Variants in M1AP observed in about 807,000 individuals in gnomAD.
M1AP encodes the protein meiosis 1 arrest protein.
Under a neutral mutation model 51.2 loss-of-function variants are expected in M1AP, and 39 were observed. That is an observed-to-expected ratio of 0.76 (90% confidence interval 0.59 to 1.00). M1AP has a LOEUF of 1.00. M1AP is among the 50% of genes least tolerant of loss of function. The probability of loss-of-function intolerance (pLI) is 0.00; values close to 1 mark genes in which losing one functional copy is unlikely to be tolerated. For missense variants in M1AP, 545 were observed against 641.2 expected (o/e 0.85, Z 1.62); for synonymous variants, 251 against 249.2 (o/e 1.01, Z -0.07).
intron 2 of M1AP, among the ~76,000 whole-genome samples, chr2:74,639,822 T>C (rs1487965129): frequency 6.6e-6 from 1 of 152,222 alleles, no homozygotes; most frequent in African/African-American, 2.4e-5. Context: ...CTATTTATAC[T>C]CCCAGATTAA....
intron 4 of M1AP, among the ~76,000 whole-genome samples, chr2:74,598,109 C>G (rs551662491): frequency 1.3e-5 from 2 of 152,084 alleles, no homozygotes; most frequent in African/African-American, 4.8e-5. Flanking sequence ...TAGCTGGATG[C>G]GCTGGCTCAC....
chr2:74,607,545 C>T (rs552912130), intron 3 of M1AP, among the ~76,000 whole-genome samples: 4 of 152,146 alleles, frequency 2.6e-5, no homozygotes, highest in Non-Finnish European at 5.9e-5. Flanking sequence ...GCAATCTTGG[C>T]TCACTGCAAC....
intron 2 of M1AP, chr2:74,618,872 C>G (rs1412100129): frequency 4.0e-6 from 2 of 505,572 alleles, no homozygotes; most frequent in Non-Finnish European, 8.0e-6. Flanking sequence ...ATCTAGCTGT[C>G]ATTGTTCAGT....
At chr2:74,638,593 G>T (rs905645707) in intron 2 of M1AP, among the ~76,000 whole-genome samples, 1 of 152,130 alleles carries the variant, frequency 6.6e-6, no homozygotes, top group African/African-American at 2.4e-5. Flanking sequence ...TGGATCAGTC[G>T]TTCTGGGAGA....
intron 4 of M1AP, among the ~76,000 whole-genome samples, chr2:74,584,605 C>G (rs968727004): frequency 6.6e-6 from 1 of 151,444 alleles, no homozygotes; most frequent in Non-Finnish European, 1.5e-5. Context: ...ATGAGACACT[C>G]CTACCACAGG....
At chr2:74,602,747 T>C (rs1204364109) in intron 4 of M1AP, among the ~76,000 whole-genome samples, 1 of 152,166 alleles carries the variant, frequency 6.6e-6, no homozygotes, top group Non-Finnish European at 1.5e-5. Context: ...CATATACACT[T>C]AACCCACAAA....
chr2:74,597,878 T>C (rs1287028176), intron 4 of M1AP, among the ~76,000 whole-genome samples: 1 of 152,190 alleles, frequency 6.6e-6, no homozygotes, highest in African/African-American at 2.4e-5. Flanking sequence ...CACAAAACTA[T>C]TGTAAAACTT....
In M1AP at chr2:74,576,540, A is replaced by G. The variant is rs758836998; in HGVS notation, c.848T>C (p.Met283Thr). 1.2e-6 allele frequency: 2 copies of G among 1,614,130 alleles called. No individual in the cohort carries two copies. Among genetic ancestry groups the G allele is most frequent in the Non-Finnish European group, 1.7e-6 (2 of 1,179,972 alleles). ...LAGTADGSLR[M>T]DDPKGDFITL... is the part of the protein sequence containing the mutation. ...GATGAAGTCTCCTTTAGGGTCATCCATTCTCAAGGAGCCGTCAGCTGTGCC... is the reference window on the plus strand; with the variant it reads ...GATGAAGTCTCCTTTAGGGTCATCCGTTCTCAAGGAGCCGTCAGCTGTGCC... The change falls in exon 6 of 11, where the codon ATG becomes ACG. Residue 283 changes from methionine (M) to threonine (T), a missense_variant. By Grantham distance (81) the Met-to-Thr change is moderately conservative (BLOSUM62 -1). Coordinates refer to ENST00000421985, the MANE Select transcript of M1AP (RefSeq NM_001321739.2).
chr2:74,641,957 T>C (rs1683322465), intron 1 of M1AP, among the ~76,000 whole-genome samples: 1 of 152,020 alleles, frequency 6.6e-6, no homozygotes, highest in South Asian at 2.1e-4. Flanking sequence ...GCGATTCTCC[T>C]GCCTCAGCCT....
At chr2:74,587,279 A>G (rs760510646) in intron 4 of M1AP, among the ~76,000 whole-genome samples, 1 of 151,246 alleles carries the variant, frequency 6.6e-6, no homozygotes, top group Non-Finnish European at 1.5e-5. Context: ...GCTCACTGCA[A>G]GCTCCACCTC....
intron 1 of M1AP, among the ~76,000 whole-genome samples, chr2:74,647,790 G>A (rs1003429737): frequency 3.3e-5 from 5 of 152,212 alleles, no homozygotes; most frequent in African/African-American, 1.2e-4. Flanking sequence ...GCTTACTCGA[G>A]AAGCTGAGGC....
chr2:74,629,667 G>A (rs1379847835), intron 2 of M1AP, among the ~76,000 whole-genome samples: 1 of 151,924 alleles, frequency 6.6e-6, no homozygotes, highest in Non-Finnish European at 1.5e-5. Flanking sequence ...CAGGAGAATC[G>A]CTTGAACCTG....
At chr2:74,595,690 C>T (rs1303696868) in intron 4 of M1AP, among the ~76,000 whole-genome samples, 1 of 152,022 alleles carries the variant, frequency 6.6e-6, no homozygotes, top group East Asian at 1.9e-4. Context: ...ATACACATGA[C>T]AATTATAACA....
intron 4 of M1AP, among the ~76,000 whole-genome samples, chr2:74,596,543 C>G (rs1454057887): frequency 6.6e-6 from 1 of 152,082 alleles, no homozygotes; most frequent in African/African-American, 2.4e-5. Context: ...GATCACGCCA[C>G]TGCACTCAAG....
intron 2 of M1AP, among the ~76,000 whole-genome samples, chr2:74,622,156 A>T (rs999047017): frequency 6.6e-6 from 1 of 152,008 alleles, no homozygotes; most frequent in Non-Finnish European, 1.5e-5. Context: ...AAATTCAATA[A>T]ATTTTTATAT....
chr2:74,615,833 A>T (rs1035282534), intron 2 of M1AP: 1 of 152,272 alleles, frequency 6.6e-6, no homozygotes, highest in African/African-American at 2.4e-5. Context: ...ATAAATGTGG[A>T]CTGAAGATTT....
intron 4 of M1AP, among the ~76,000 whole-genome samples, chr2:74,595,290 C>T (rs1233195999): frequency 6.6e-6 from 1 of 151,512 alleles, no homozygotes; most frequent in African/African-American, 2.4e-5. Flanking sequence ...GCTGGGATTA[C>T]AGGTATAAGC....
intron 2 of M1AP, among the ~76,000 whole-genome samples, chr2:74,627,620 C>T (rs1682476428): frequency 6.6e-6 from 1 of 152,090 alleles, no homozygotes; most frequent in South Asian, 2.1e-4. Context: ...ATCTGGCCAT[C>T]TTTTCTGTAA....
chr2:74,618,857 T>G, intron 2 of M1AP: 1 of 487,154 alleles, frequency 2.1e-6, no homozygotes, highest in South Asian at 1.5e-5. Flanking sequence ...AAGAGCTCAG[T>G]GGAAATCTAG....
Sources: allele counts gnomAD v4.1 joint callset (sites outside exome capture counted in the v4.1 genomes callset), GRCh38; gene constraint gnomAD v4.1.1; transcripts MANE v1.5; gene names NCBI Gene and HGNC (gene_info 2026-07-23, HGNC 2026-07-21).